The following WIPI2 variants were observed in gnomAD, a reference collection of about 807,000 sequenced individuals.
WIPI2 encodes the protein WD repeat domain phosphoinositide-interacting protein 2.
In WIPI2, 28 loss-of-function variants were observed where a neutral mutation model predicts 52.3. The observed-to-expected ratio is 0.54, with a 90% CI of 0.40 to 0.73. WIPI2 has a LOEUF of 0.73. Ranked by LOEUF, WIPI2 falls within the 30% of genes least tolerant of loss-of-function variation. WIPI2 has a pLI of 0.00. For synonymous variants in WIPI2, 268 were observed against 245.0 expected, an observed-to-expected ratio of 1.09 and a Z score of -0.88; for missense variants, 506 against 602.9, an observed-to-expected ratio of 0.84 and a Z score of 1.68.
rs4720539 is a variant in WIPI2, at chr7:5,227,893, C to T, written c.1014-211C>T. Among the ~76,000 whole-genome samples the T allele has an allele frequency of 0.54, 81,870 of 152,054 alleles. 22,379 individuals carry two copies. Among genetic ancestry groups the T allele is most frequent in the Middle Eastern group, 0.61 (179 of 292 alleles). ...AGAAGCCACAAAACTGGTTTCATCCCGCTCTCGTCTCCCGTGGGCTTCAGG... is the reference window on the plus strand; with the variant it reads ...AGAAGCCACAAAACTGGTTTCATCCTGCTCTCGTCTCCCGTGGGCTTCAGG... On this transcript the variant is annotated intron_variant, in intron 10 of 12. Transcript: ENST00000288828. The surrounding 1 kb of genome is among the most constrained non-coding windows in gnomAD (Gnocchi z 8.1).
chr7:5,225,298 G>A (rs1020554202), intron 8 of WIPI2, among the ~76,000 whole-genome samples: 21 of 152,044 alleles, frequency 1.4e-4, no homozygotes, highest in South Asian at 2.1e-4. Context: ...CCGCCACCAC[G>A]CCCAGCTAAT....
At chr7:5,228,408 G>A (rs1419299850) in intron 11 of WIPI2, among the ~76,000 whole-genome samples, 197 bp downstream of exon 11, 1 of 152,254 alleles carries the variant, frequency 6.6e-6, no homozygotes, top group Non-Finnish European at 1.5e-5. Context: ...AGGGAGCCCC[G>A]GGCTGCGGCT....
chr7:5,199,843 C>A (rs1256493142), intron 3 of WIPI2, among the ~76,000 whole-genome samples, 185 bp downstream of exon 3: 1 of 152,230 alleles, frequency 6.6e-6, no homozygotes, highest in Non-Finnish European at 1.5e-5. Flanking sequence ...CTGCCCTGAT[C>A]TGTGCATTTG....
intron 3 of WIPI2, among the ~76,000 whole-genome samples, chr7:5,208,838 T>C (rs1275875333): frequency 6.6e-6 from 1 of 152,126 alleles, no homozygotes; most frequent in African/African-American, 2.4e-5. Flanking sequence ...CCTTTCCATA[T>C]AAAATTTAAA....
intron 2 of WIPI2, among the ~76,000 whole-genome samples, chr7:5,195,428 G>A (rs1312234938): frequency 6.6e-6 from 1 of 152,246 alleles, no homozygotes; most frequent in African/African-American, 2.4e-5. Flanking sequence ...TGGGGCTGCA[G>A]TAAGGCGAGA....
intron 11 of WIPI2, 55 bp from the exon 12 acceptor site, chr7:5,229,553 C>T: frequency 2.5e-6 from 4 of 1,581,114 alleles, no homozygotes; most frequent in Admixed American, 1.8e-5. Flanking sequence ...GTGTGTACTG[C>T]CCGCAGGGCT....
chr7:5,221,071 C>G (rs984058005), intron 7 of WIPI2, among the ~76,000 whole-genome samples: 3 of 149,498 alleles, frequency 2.0e-5, no homozygotes, highest in Non-Finnish European at 4.4e-5. Context: ...TCAAGCGATT[C>G]TCCTGCCTCA....
At chr7:5,217,243 G>T in intron 6 of WIPI2, 56 bp downstream of exon 6, 3 of 1,566,394 alleles carry the variant, frequency 1.9e-6, no homozygotes, top group Non-Finnish European at 1.8e-6. Context: ...TTCCTGAAGA[G>T]GAGCACTGTG....
At chr7:5,223,299 C>A (rs1251456035) in intron 8 of WIPI2, among the ~76,000 whole-genome samples, 1 of 152,176 alleles carries the variant, frequency 6.6e-6, no homozygotes, top group Non-Finnish European at 1.5e-5. Context: ...TGGCCGTGGT[C>A]GGCGGGACCC....
intron 3 of WIPI2, among the ~76,000 whole-genome samples, chr7:5,208,818 A>C (rs961518023): frequency 2.6e-5 from 4 of 152,002 alleles, no homozygotes; most frequent in Non-Finnish European, 5.9e-5. Flanking sequence ...TGCATTTTCT[A>C]GTTTCTTTTC....
Position 5,232,565 on chromosome 7 carries a change from A to G in WIPI2, c.*1618A>G, listed in dbSNP as rs1412768015. 2 of 369,166 alleles carry G rather than the reference A, an allele frequency of 5.4e-6. No individual in the cohort carries two copies. Among genetic ancestry groups the G allele is most frequent in the Non-Finnish European group, 9.6e-6 (2 of 207,942 alleles). 22.9% of individuals were successfully genotyped at this position (369,166 alleles called of 1,614,324 possible). A position where few individuals can be genotyped will look rare whatever the true frequency, so the allele number is the denominator to read the frequency against. Reference sequence around the variant, plus strand: ...GGATCCCGGTCACGCAGGCTGAGACAGTGGGGACCGCCGAGGCCAGAGTGG... The same window carrying G: ...GGATCCCGGTCACGCAGGCTGAGACGGTGGGGACCGCCGAGGCCAGAGTGG... On this transcript the variant is annotated 3_prime_UTR_variant, in exon 13 of 13. Coordinates refer to ENST00000288828, the MANE Select transcript of WIPI2 (RefSeq NM_015610.4).
chr7:5,205,718 G>C (rs915984939), intron 3 of WIPI2, among the ~76,000 whole-genome samples: 2 of 152,076 alleles, frequency 1.3e-5, no homozygotes, highest in South Asian at 4.2e-4. Context: ...ATATTGGGCA[G>C]GCTGGTGTTG....
chr7:5,199,688 T>TAAAA, intron 3 of WIPI2, 30 bp downstream of exon 3: 7 of 1,308,302 alleles, frequency 5.4e-6, no homozygotes, highest in East Asian at 2.5e-5. Context: ...TTCCCCTTCT[T>TAAAA]AAAAAAAAAA....
chr7:5,201,090 T>C (rs76614317), intron 3 of WIPI2, among the ~76,000 whole-genome samples: 118 of 152,344 alleles, frequency 7.7e-4, no homozygotes, highest in South Asian at 1.7e-3. Context: ...CCGCCCGCCT[T>C]CCTGAAGTCC....
At position 5,216,674 on chromosome 7, in the gene WIPI2, G is replaced by T. The variant is rs1782830786; in HGVS notation, c.478+15G>T. ...AAACCCTGCAGGTGAGCTAACTTGT[G>T]AGGAGAGAATCCCATTTTTCTGATT... is the stretch of plus-strand genomic sequence containing the variant. On this transcript the variant is annotated intron_variant, in intron 5 of 12. Transcript: ENST00000288828. The T allele has an allele frequency of 6.2e-7, 1 of 1,612,668 alleles. No homozygotes were observed. Among genetic ancestry groups the T allele is most frequent in the African/African-American group, 1.3e-5 (1 of 74,894 alleles).
At position 5,225,810 on chromosome 7, in the gene WIPI2, T is replaced by C. The variant is rs2115312681; in HGVS notation, c.741-13T>C. 1.9e-6 allele frequency: 3 copies of C among 1,598,654 alleles called. No homozygotes were observed. Among genetic ancestry groups the C allele is most frequent in the Non-Finnish European group, 2.6e-6 (3 of 1,170,438 alleles). On this transcript the variant is annotated splice_polypyrimidine_tract_variant and intron_variant, in intron 8 of 12. Transcript: ENST00000288828. ...GGCTCCGGTGGCCCGCCCCAACCTG[T>C]GCGTCTCCCCAGGTGCGTGAGCATC...
intron 3 of WIPI2, among the ~76,000 whole-genome samples, chr7:5,205,785 G>A (rs899578195): frequency 6.6e-6 from 1 of 151,900 alleles, no homozygotes; most frequent in Non-Finnish European, 1.5e-5. Flanking sequence ...TGGGATTATA[G>A]GCATGAACCA....
In WIPI2 at chr7:5,229,730, C is replaced by G. The variant is rs202132400; in HGVS notation, c.1244C>G (p.Thr415Arg). 8.9e-5 allele frequency: 144 copies of G among 1,613,838 alleles called. No homozygotes were observed. The East Asian group carries it at 2.7e-3, about 30-fold the overall frequency. The change falls in exon 12 of 13, where the codon ACG becomes AGG. Residue 415 changes from threonine (T) to arginine (R), a missense_variant. Transcript: ENST00000288828. ...GKGTYVPSSPTRLAYTDDLGA... is the reference protein window; with the variant it reads ...GKGTYVPSSPRRLAYTDDLGA... ...GGTACTTACGTGCCTTCATCCCCAACGAGACTTGGTAAGGGGCGTGACGCA... is the reference window on the plus strand; with the variant it reads ...GGTACTTACGTGCCTTCATCCCCAAGGAGACTTGGTAAGGGGCGTGACGCA...
chr7:5,219,658 G>A (rs1782997721), intron 7 of WIPI2, among the ~76,000 whole-genome samples: 1 of 152,088 alleles, frequency 6.6e-6, no homozygotes, highest in Admixed American at 6.5e-5. Flanking sequence ...GTATTGCACG[G>A]TAGACGTGCG....
Sources: gnomAD v4.1 joint callset for allele counts (sites outside exome capture counted in the v4.1 genomes callset) on GRCh38, gnomAD v4.1.1 for gene constraint, Gnocchi (gnomAD v3.1) non-coding constraint, MANE v1.5 for transcripts, NCBI Gene and HGNC (gene_info 2026-07-23, HGNC 2026-07-21) for gene names.